PIK3CG: variants seen among roughly 807,000 people sequenced by gnomAD.
PIK3CG encodes the protein phosphatidylinositol-4,5-bisphosphate 3-kinase catalytic subunit gamma, also known as phosphatidylinositol 4,5-bisphosphate 3-kinase catalytic subunit gamma isoform.
A neutral mutation model predicts 102.3 loss-of-function variants in PIK3CG; 55 were observed. The ratio of observed to expected loss-of-function variants is 0.54; its 90% CI spans 0.43 to 0.67. The LOEUF is 0.67. Among genes scored for constraint, PIK3CG ranks in the 30% least tolerant of loss-of-function variants. PIK3CG has a pLI of 0.00. For missense variants in PIK3CG, 1,258 were observed against 1,391.8 expected, an observed-to-expected ratio of 0.90 and a Z score of 1.53; for synonymous variants, 552 against 540.0, an observed-to-expected ratio of 1.02 and a Z score of -0.31.
In PIK3CG at chr7:106,902,691, T is replaced by C. The variant is rs192423057; in HGVS notation, c.3031-2418T>C. Among the ~76,000 whole-genome samples the C allele has an allele frequency of 1.8e-4, 28 of 152,278 alleles. No homozygotes were observed. Among genetic ancestry groups the C allele is most frequent in the African/African-American group, 6.0e-4 (25 of 41,568 alleles). On this transcript the variant is annotated intron_variant, in intron 10 of 10. Coordinates refer to ENST00000496166, the MANE Select transcript of PIK3CG (RefSeq NM_001282426.2). The surrounding 1 kb of genome is among the most constrained non-coding windows in gnomAD (Gnocchi z 4.3). ...ATTTTTGTTATGTTTTTGGCCTGTA[T>C]TTCTGGCCAATTATCTCTTTCTTAT...
In PIK3CG at chr7:106,899,846, G is replaced by T. The variant is rs745824782; in HGVS notation, c.3031-5263G>T. ...TTTTTGTGTGTTTCTGCCAGGTTTT[G>T]GTATCAAGATGATGCTGCTCTCATA... On this transcript the variant is annotated intron_variant, in intron 10 of 10. Transcript: ENST00000496166. The surrounding 1 kb of genome is among the most constrained non-coding windows in gnomAD (Gnocchi z 4.6). 6.6e-6 allele frequency among the ~76,000 whole-genome samples: 1 copy of T among 152,112 alleles called. No homozygotes were observed. Among genetic ancestry groups the T allele is most frequent in the Admixed American group, 6.5e-5 (1 of 15,268 alleles).
Position 106,884,028 on chromosome 7 carries a change from A to G in PIK3CG, c.2761-127A>G. The G allele has an allele frequency of 1.4e-6, 1 of 707,370 alleles. No individual in the cohort carries two copies. Among genetic ancestry groups the G allele is most frequent in the Non-Finnish European group, 2.5e-6 (1 of 407,708 alleles). 43.8% of individuals were successfully genotyped at this position (707,370 alleles called of 1,614,324 possible). A position where few individuals can be genotyped will look rare whatever the true frequency, so the allele number is the denominator to read the frequency against. On this transcript the variant is annotated intron_variant, in intron 8 of 10. Transcript: ENST00000496166. This position sits in a 1 kb window ranked among gnomAD's most constrained non-coding sequence, Gnocchi z 4.2. ...CAATTCATAGATATAATGCTAATGA[A>G]ATCAGGCACAACTAACTTGCTCTCT...
rs1389823868 is a variant in PIK3CG at position 106,876,394 on chromosome 7, TTC to T, written c.2391+1593_2391+1594del. Among the ~76,000 whole-genome samples, 28 of 121,094 alleles carry T rather than the reference TTC, an allele frequency of 2.3e-4. No homozygotes were observed. The East Asian group carries it at 2.7e-3, about 12-fold the overall frequency. 79.4% of individuals were successfully genotyped at this position (121,094 alleles called of 152,430 possible). On this transcript the variant is annotated intron_variant, in intron 5 of 10. Coordinates refer to ENST00000496166, the MANE Select transcript of PIK3CG (RefSeq NM_001282426.2). The stretch of plus-strand genomic sequence containing the variant: ...TCACCAGTTTTTTAGGTGGGTTGCC[TTC>T]TTTTTTTTTTTTTGAGACAGAGTCT...
chr7:106,905,941 C>A lies in PIK3CG; in HGVS notation c.*554C>A, dbSNP rs1247955320. 1 of 230,650 alleles carries A rather than the reference C, an allele frequency of 4.3e-6. No individual in the cohort carries two copies. The highest frequency in any genetic ancestry group is 1.8e-4 in the South Asian group (1 of 5,558). 14.3% of individuals were successfully genotyped at this position (230,650 alleles called of 1,614,324 possible). On this transcript the variant is annotated 3_prime_UTR_variant, in exon 11 of 11. Coordinates refer to ENST00000496166, the MANE Select transcript of PIK3CG (RefSeq NM_001282426.2). The surrounding 1 kb of genome is among the most constrained non-coding windows in gnomAD (Gnocchi z 5.6). ...TTTCAGTGTCTTTTGCAATTCAATTCTTTTGTCATGTATAACTGAGACACA... is the reference window on the plus strand; with the variant it reads ...TTTCAGTGTCTTTTGCAATTCAATTATTTTGTCATGTATAACTGAGACACA...
chr7:106,889,466 AAAT>A (rs1188603471), intron 10 of PIK3CG, among the ~76,000 whole-genome samples: 1 of 152,192 alleles, frequency 6.6e-6, no homozygotes, highest in Non-Finnish European at 1.5e-5. Context: ...TAAATTCTCC[AAAT>A]AATGTCTCAG....
At chr7:106,870,341 A>T (rs1790490354) in intron 2 of PIK3CG, among the ~76,000 whole-genome samples, 1 of 151,938 alleles carries the variant, frequency 6.6e-6, no homozygotes, top group African/African-American at 2.4e-5. Context: ...AAGAAGTTAA[A>T]GAAAGAAGGG....
rs370034420 is a variant in PIK3CG, at chr7:106,879,582, G to A, written c.2455G>A (p.Asp819Asn). 9.2e-5 allele frequency: 148 copies of A among 1,612,400 alleles called. No homozygotes were observed. The highest frequency in any genetic ancestry group is 6.6e-4 in the Middle Eastern group (4 of 6,080). ...KPLWLEFKCA[D>N]PTALSNETIG... ...ACTATGGCTTGAGTTTAAATGTGCC[G>A]ATCCTACAGCCCTATCAAATGAAAC... Residue 819 changes from aspartate (D) to asparagine (N), a missense_variant, in exon 6 of 11, where the codon GAT becomes AAT. This residue lies in a region of PIK3CG where 426 missense variants were observed against 604.2 expected (regional missense o/e 0.71). Transcript: ENST00000496166. This position sits in a 1 kb window ranked among gnomAD's most constrained non-coding sequence, Gnocchi z 4.9.
chr7:106,886,079 T>A, intron 9 of PIK3CG, 56 bp from the exon 10 acceptor site: 1 of 1,478,574 alleles, frequency 6.8e-7, no homozygotes, highest in Middle Eastern at 1.8e-4. Context: ...AAGAAATATT[T>A]TAAGGAACAA....
In PIK3CG at chr7:106,886,180, A is replaced by G; in HGVS notation, c.2918A>G (p.Lys973Arg). The change falls in exon 10 of 11, where the codon AAA becomes AGA. Residue 973 changes from lysine to arginine, a missense_variant. This residue lies in a region of PIK3CG where 426 missense variants were observed against 604.2 expected (regional missense o/e 0.71). Coordinates refer to ENST00000496166, the MANE Select transcript of PIK3CG (RefSeq NM_001282426.2). ...TTCGGGCACATTCTTGGGAATTACA[A>G]AAGTTTCCTGGGCATTAATAAAGAG... ...IDFGHILGNY[K>R]SFLGINKERV... The G allele has an allele frequency of 6.2e-7, 1 of 1,614,108 alleles. No individual in the cohort carries two copies. The highest frequency in any genetic ancestry group is 8.5e-7 in the Non-Finnish European group (1 of 1,179,958).
chr7:106,891,583 T>C lies in PIK3CG; in HGVS notation c.3030+5291T>C, dbSNP rs527755893. ...AAAGGGCAGGAACAACTCGTTCTTT[T>C]ATAAACAAGCATTTTGGAGATGCTC... On this transcript the variant is annotated intron_variant, in intron 10 of 10. Transcript: ENST00000496166. This position sits in a 1 kb window ranked among gnomAD's most constrained non-coding sequence, Gnocchi z 4.4. Among the ~76,000 whole-genome samples the C allele has an allele frequency of 6.6e-6, 1 of 152,292 alleles. No homozygotes were observed. Among genetic ancestry groups the C allele is most frequent in the Admixed American group, 6.5e-5 (1 of 15,288 alleles).
Position 106,906,986 on chromosome 7 carries a change from T to A in PIK3CG, c.*1599T>A. On this transcript the variant is annotated 3_prime_UTR_variant, in exon 11 of 11. Transcript: ENST00000496166. ...TAAAAAAAAAATTAGCTGGGTATAGTGGTATGTGCCTGTAGTCCCAGGTAC... is the reference window on the plus strand; with the variant it reads ...TAAAAAAAAAATTAGCTGGGTATAGAGGTATGTGCCTGTAGTCCCAGGTAC... The A allele has an allele frequency of 4.6e-6, 1 of 217,372 alleles. No individual in the cohort carries two copies. Among genetic ancestry groups the A allele is most frequent in the Non-Finnish European group, 9.2e-6 (1 of 108,332 alleles). The allele number at this position is 217,372 out of a possible 1,614,324, so 13.5% of individuals were successfully genotyped here.
In PIK3CG at chr7:106,868,134, C is replaced by T. The variant is rs145944814; in HGVS notation, c.573C>T (p.Arg191=). The change falls in exon 2 of 11, where the codon CGC becomes CGT. Residue 191 remains arginine, a synonymous_variant. Coordinates refer to ENST00000496166, the MANE Select transcript of PIK3CG (RefSeq NM_001282426.2). This position sits in a 1 kb window ranked among gnomAD's most constrained non-coding sequence, Gnocchi z 6.2. ...VTPRMAEVAS[R]DPKLYAMHPW... ...CGCGCATGGCGGAGGTGGCCAGCCG[C>T]GACCCCAAGCTCTACGCCATGCACC... is the stretch of plus-strand genomic sequence containing the variant. 6.8e-6 allele frequency: 11 copies of T among 1,612,240 alleles called. No homozygotes were observed. Among genetic ancestry groups the T allele is most frequent in the East Asian group, 2.2e-5 (1 of 44,746 alleles).
chr7:106,884,091 T>C lies in PIK3CG; in HGVS notation c.2761-64T>C. On this transcript the variant is annotated intron_variant, in intron 8 of 10. Transcript: ENST00000496166. The surrounding 1 kb of genome is among the most constrained non-coding windows in gnomAD (Gnocchi z 4.2). ...CAGAATATTCTCTTTTTAGAAGTCATTTGTAGATTCATGATGCTTTTTGTA... is the reference window on the plus strand; with the variant it reads ...CAGAATATTCTCTTTTTAGAAGTCACTTGTAGATTCATGATGCTTTTTGTA... 8.2e-7 allele frequency: 1 copy of C among 1,215,394 alleles called. No individual in the cohort carries two copies. The highest frequency in any genetic ancestry group is 1.2e-5 in the South Asian group (1 of 80,018). The allele number at this position is 1,215,394 out of a possible 1,614,324, so 75.3% of individuals were successfully genotyped here. A position where few individuals can be genotyped will look rare whatever the true frequency, so the allele number is the denominator to read the frequency against.
At position 106,879,722 on chromosome 7, in the gene PIK3CG, A is replaced by G. The variant is rs184955526; in HGVS notation, c.2538+57A>G. 3 of 1,325,452 alleles carry G rather than the reference A, an allele frequency of 2.3e-6. No homozygotes were observed. The East Asian group carries it at 6.9e-5, about 31-fold the overall frequency. 82.1% of individuals were successfully genotyped at this position (1,325,452 alleles called of 1,614,324 possible). A position where few individuals can be genotyped will look rare whatever the true frequency, so the allele number is the denominator to read the frequency against. ...CTGAAAACAATTCTATATTACATCAAAAACATGCTTTCTCCTACTGGCTCT... is the reference window on the plus strand; with the variant it reads ...CTGAAAACAATTCTATATTACATCAGAAACATGCTTTCTCCTACTGGCTCT... On this transcript the variant is annotated intron_variant, in intron 6 of 10. Coordinates refer to ENST00000496166, the MANE Select transcript of PIK3CG (RefSeq NM_001282426.2). This position sits in a 1 kb window ranked among gnomAD's most constrained non-coding sequence, Gnocchi z 4.9.
rs954263193 is a variant in PIK3CG at position 106,897,001 on chromosome 7, ATTC to A, written c.3031-8105_3031-8103del. Among the ~76,000 whole-genome samples the A allele has an allele frequency of 7.9e-5, 12 of 152,202 alleles. No individual in the cohort carries two copies. The highest frequency in any genetic ancestry group is 2.9e-4 in the African/African-American group (12 of 41,440). ...TTAATATTTTGTCCTATAAATTTAT[ATTC>A]TTTTTTCTATATAAATATTTTGTGT... On this transcript the variant is annotated intron_variant, in intron 10 of 10. Coordinates refer to ENST00000496166, the MANE Select transcript of PIK3CG (RefSeq NM_001282426.2). The surrounding 1 kb of genome is among the most constrained non-coding windows in gnomAD (Gnocchi z 4.6).
At chr7:106,870,207 ATCTGGGTAGAG>A (rs772876320) in intron 2 of PIK3CG, among the ~76,000 whole-genome samples, 4 of 152,190 alleles carry the variant, frequency 2.6e-5, no homozygotes, top group Non-Finnish European at 5.9e-5. Flanking sequence ...AATATCTCAT[ATCTGGGTAGAG>A]TCTTGAAAGC....
At chr7:106,886,782 A>G (rs529736393) in intron 10 of PIK3CG, among the ~76,000 whole-genome samples, 7 of 152,370 alleles carry the variant, frequency 4.6e-5, no homozygotes, top group East Asian at 3.9e-4. Flanking sequence ...AGAATACCCA[A>G]TATTTCATTT....
rs1168155112 is a variant in PIK3CG at position 106,879,386 on chromosome 7, A to C, written c.2392-133A>C. 1.3e-6 allele frequency: 1 copy of C among 790,994 alleles called. No individual in the cohort carries two copies. The highest frequency in any genetic ancestry group is 1.8e-5 in the African/African-American group (1 of 57,058). 49.0% of individuals were successfully genotyped at this position (790,994 alleles called of 1,614,324 possible). The stretch of plus-strand genomic sequence containing the variant: ...AAACAACTTCTGTATTTTTACCCAA[A>C]TATTGAAAATCATTCTCCAACTAGG... On this transcript the variant is annotated intron_variant, in intron 5 of 10. Coordinates refer to ENST00000496166, the MANE Select transcript of PIK3CG (RefSeq NM_001282426.2). This position sits in a 1 kb window ranked among gnomAD's most constrained non-coding sequence, Gnocchi z 4.9.
chr7:106,885,720 G>A (rs754197460), intron 9 of PIK3CG, among the ~76,000 whole-genome samples: 45 of 152,026 alleles, frequency 3.0e-4, no homozygotes, highest in Admixed American at 1.9e-3. Flanking sequence ...TGGTATGGCC[G>A]TAGATGGCTA....
Sources: allele counts gnomAD v4.1 joint callset (sites outside exome capture counted in the v4.1 genomes callset), GRCh38; gene constraint gnomAD v4.1.1; regional missense constraint gnomAD v4.1.1; non-coding constraint Gnocchi (gnomAD v3.1); transcripts MANE v1.5; gene names NCBI Gene and HGNC (gene_info 2026-07-23, HGNC 2026-07-21).